The following ABCA13 variants were observed in gnomAD, a reference collection of about 807,000 sequenced individuals.
The protein encoded by ABCA13 is ATP binding cassette subfamily A member 13.
A neutral mutation model predicts 478.7 loss-of-function variants in ABCA13; 476 were observed. That is an observed-to-expected ratio of 0.99 (90% CI 0.92 to 1.07). The LOEUF is 1.07. Among genes scored for constraint, ABCA13 ranks in the 50% least tolerant of loss-of-function variants. The pLI is 0.00. For synonymous variants in ABCA13, 2,252 were observed against 2,158.9 expected (o/e 1.04, Z -1.20); for missense variants, 6,060 against 5,910.6 (o/e 1.03, Z -0.83).
chr7:48,487,164 G>A (rs1273808455), intron 47 of ABCA13, among the ~76,000 whole-genome samples: 1 of 152,028 alleles, frequency 6.6e-6, no homozygotes, highest in African/African-American at 2.4e-5. Flanking sequence ...TACAAAATTA[G>A]CCGGGCGTGG....
chr7:48,616,529 G>A (rs1245937455), intron 59 of ABCA13, among the ~76,000 whole-genome samples: 2 of 152,142 alleles, frequency 1.3e-5, no homozygotes, highest in African/African-American at 4.8e-5. Context: ...CCAGCAGGAC[G>A]AAGCACATGG....
chr7:48,611,318 C>G (rs569843558), intron 58 of ABCA13, among the ~76,000 whole-genome samples: 23 of 152,194 alleles, frequency 1.5e-4, no homozygotes, highest in Non-Finnish European at 2.8e-4. Flanking sequence ...ATTTTCCCAT[C>G]TTCTCCTGAG....
At chr7:48,595,787 A>G (rs1166615304) in intron 58 of ABCA13, among the ~76,000 whole-genome samples, 1 of 152,192 alleles carries the variant, frequency 6.6e-6, no homozygotes, top group Non-Finnish European at 1.5e-5. Flanking sequence ...CGCTTCTTCC[A>G]TGGTTGTTTG....
At chr7:48,291,593 G>A (rs980317419) in intron 20 of ABCA13, among the ~76,000 whole-genome samples, 18 of 152,104 alleles carry the variant, frequency 1.2e-4, no homozygotes, top group African/African-American at 3.9e-4. Flanking sequence ...TGCAATGTCC[G>A]CTTCTTAATT....
At chr7:48,201,174 A>G (rs1181678492) in intron 3 of ABCA13, among the ~76,000 whole-genome samples, 3 of 152,266 alleles carry the variant, frequency 2.0e-5, no homozygotes, top group Non-Finnish European at 4.4e-5. Flanking sequence ...GAGTCATTCA[A>G]TAAGAAGTAT....
intron 6 of ABCA13, 103 bp downstream of exon 6, chr7:48,227,528 C>T: frequency 1.5e-6 from 2 of 1,357,624 alleles, no homozygotes; most frequent in South Asian, 1.4e-5. Context: ...TTAAAAAAAC[C>T]TCACAATAAT....
At chr7:48,595,824 C>T (rs1790229562) in intron 58 of ABCA13, among the ~76,000 whole-genome samples, 1 of 152,154 alleles carries the variant, frequency 6.6e-6, no homozygotes, top group East Asian at 1.9e-4. Context: ...GAGAAATGGC[C>T]CAGTTAAAGA....
intron 1 of ABCA13, among the ~76,000 whole-genome samples, chr7:48,191,614 G>T (rs1797117652): frequency 6.6e-6 from 1 of 152,090 alleles, no homozygotes; most frequent in Non-Finnish European, 1.5e-5. Context: ...CACCGTGTTG[G>T]CCAGGCTGGT....
intron 13 of ABCA13, 33 bp from the exon 14 acceptor site, chr7:48,248,204 ATT>A (rs4024052): frequency 0.068 from 106,709 of 1,559,778 alleles, 4,461 homozygotes; most frequent in East Asian, 0.21. Context: ...GAATTGCTTT[ATT>A]TATTATAAGC....
intron 55 of ABCA13, among the ~76,000 whole-genome samples, chr7:48,572,266 GTTCTT>G (rs1356362664): frequency 6.6e-6 from 1 of 151,924 alleles, no homozygotes; most frequent in African/African-American, 2.4e-5. Flanking sequence ...GATTAAGAAA[GTTCTT>G]TTATATTTTC....
chr7:48,506,068 G>A (rs1198050058), intron 48 of ABCA13, among the ~76,000 whole-genome samples: 1 of 152,168 alleles, frequency 6.6e-6, no homozygotes, highest in Non-Finnish European at 1.5e-5. Flanking sequence ...TAAAACATGA[G>A]AACCTATGAA....
chr7:48,206,827 C>G (rs1467737206), intron 3 of ABCA13, among the ~76,000 whole-genome samples: 4 of 151,816 alleles, frequency 2.6e-5, no homozygotes, highest in African/African-American at 9.7e-5. Context: ...TCCAGTTTCA[C>G]TCTTTTAGTT....
At chr7:48,390,307 C>T (rs926404788) in intron 37 of ABCA13, among the ~76,000 whole-genome samples, 2 of 152,194 alleles carry the variant, frequency 1.3e-5, no homozygotes, top group African/African-American at 4.8e-5. Context: ...AAGTGGCTGC[C>T]TCCACCTGGC....
intron 27 of ABCA13, 43 bp downstream of exon 27, chr7:48,317,339 T>C: frequency 6.4e-7 from 1 of 1,561,724 alleles, no homozygotes; most frequent in Non-Finnish European, 8.7e-7. Flanking sequence ...ATACATACAC[T>C]AAATCAGGAA....
At chr7:48,573,790 A>G (rs572513542) in intron 55 of ABCA13, among the ~76,000 whole-genome samples, 2 of 152,026 alleles carry the variant, frequency 1.3e-5, no homozygotes, top group Non-Finnish European at 2.9e-5. Context: ...TAAACCAGGA[A>G]AATTTATTCT....
At chr7:48,425,730 CTTATTTATTTAT>C (rs145744455) in intron 41 of ABCA13, among the ~76,000 whole-genome samples, 1 of 113,676 alleles carries the variant, frequency 8.8e-6, no homozygotes, top group African/African-American at 2.7e-5. Context: ...TATAATATGT[CTTATTTATTTAT>C]TTATTTATTT....
intron 27 of ABCA13, among the ~76,000 whole-genome samples, chr7:48,323,459 A>C (rs534632978): frequency 6.6e-6 from 1 of 152,340 alleles, no homozygotes; most frequent in South Asian, 2.1e-4. Flanking sequence ...TTAGCTTTGC[A>C]GATATGCAGT....
chr7:48,317,251 A>G lies in ABCA13; in HGVS notation c.9954A>G (p.Ile3318Met). 2.5e-6 allele frequency: 4 copies of G among 1,613,692 alleles called. No homozygotes were observed. The highest frequency in any genetic ancestry group is 3.4e-6 in the Non-Finnish European group (4 of 1,179,850). Residue 3318 changes from isoleucine (I) to methionine (M), a missense_variant, in exon 27 of 62, where the codon ATA becomes ATG. Transcript: ENST00000435803. ...TFLKPILHGK[I>M]LYTPNTPEIN... Reference sequence around the variant, plus strand: ...TAAAACCCATATTGCATGGAAAAATACTATACACACCAAACACTCCAGAAA... The same window carrying G: ...TAAAACCCATATTGCATGGAAAAATGCTATACACACCAAACACTCCAGAAA...
chr7:48,457,542 C>T (rs1825809041), intron 43 of ABCA13, among the ~76,000 whole-genome samples: 1 of 152,170 alleles, frequency 6.6e-6, no homozygotes, highest in South Asian at 2.1e-4. Context: ...AGAAGTGATG[C>T]ACTTCAAAAT....
Sources: gnomAD v4.1 joint callset for allele counts (sites outside exome capture counted in the v4.1 genomes callset) on GRCh38, gnomAD v4.1.1 for gene constraint, MANE v1.5 for transcripts, NCBI Gene and HGNC (gene_info 2026-07-23, HGNC 2026-07-21) for gene names.